The following AKIP1 variants were observed in gnomAD, a reference collection of about 807,000 sequenced individuals.
AKIP1 encodes the protein A-kinase interacting protein 1, also known as A-kinase-interacting protein 1.
AKIP1 carries 18 observed loss-of-function variants against 22.3 expected under a neutral mutation model. The observed-to-expected ratio is 0.81, with a 90% confidence interval of 0.56 to 1.19. The LOEUF (loss-of-function observed/expected upper bound fraction) is 1.19. Ranked by LOEUF, AKIP1 falls within the 50% of genes most tolerant of loss-of-function variation. The probability of loss-of-function intolerance (pLI) is 0.00; values close to 1 mark genes in which losing one functional copy is unlikely to be tolerated. For missense variants in AKIP1, 287 were observed against 264.6 expected (o/e 1.08, Z -0.59); for synonymous variants, 120 against 102.7 (o/e 1.17, Z -1.02).
At chr11:8,912,845 A>C (rs1307722552) in intron 3 of AKIP1, among the ~76,000 whole-genome samples, 3 of 151,022 alleles carry the variant, frequency 2.0e-5, no homozygotes, top group Non-Finnish European at 4.4e-5. Context: ...ATAGCAAATA[A>C]GTTAAATATT....
chr11:8,913,841 C>T (rs1054614626), intron 3 of AKIP1, among the ~76,000 whole-genome samples: 1 of 152,196 alleles, frequency 6.6e-6, no homozygotes, highest in African/African-American at 2.4e-5. Context: ...TTACAAAAAT[C>T]AATAGCCTCA....
At chr11:8,914,804 A>C (rs1322112736) in intron 3 of AKIP1, 22 bp from the exon 4 acceptor site, 1 of 1,572,018 alleles carries the variant, frequency 6.4e-7, no homozygotes, top group Non-Finnish European at 8.7e-7. Flanking sequence ...GTTAGCTAAC[A>C]TCTTTGACAT....
At chr11:8,913,291 G>A (rs899767284) in intron 3 of AKIP1, among the ~76,000 whole-genome samples, 5 of 143,746 alleles carry the variant, frequency 3.5e-5, no homozygotes, top group East Asian at 2.1e-4. Context: ...TGGTTCAAGC[G>A]ATTCTCCTGC....
At chr11:8,915,313 G>T (rs906834206) in intron 4 of AKIP1, among the ~76,000 whole-genome samples, 8 of 148,452 alleles carry the variant, frequency 5.4e-5, no homozygotes, top group African/African-American at 2.5e-5. Context: ...TTTTAAAAGA[G>T]CTCTAAATAT....
chr11:8,919,584 ACTGG>A lies in AKIP1; in HGVS notation c.*105_*108del. ...TACATTAATCCTGTTTTTAGTGCTG[ACTGG>A]GTCAGCCTTCCGGGAACTGGAGTCT... On this transcript the variant is annotated 3_prime_UTR_variant, in exon 6 of 6. Transcript: ENST00000309377. 7.6e-7 allele frequency: 1 copy of A among 1,316,170 alleles called. No homozygotes were observed. The highest frequency in any genetic ancestry group is 1.0e-6 in the Non-Finnish European group (1 of 952,846). 81.5% of individuals were successfully genotyped at this position (1,316,170 alleles called of 1,614,324 possible). A position where few individuals can be genotyped will look rare whatever the true frequency, so the allele number is the denominator to read the frequency against.
intron 4 of AKIP1, among the ~76,000 whole-genome samples, chr11:8,915,798 C>G (rs546422996): frequency 1.5e-3 from 229 of 149,150 alleles, no homozygotes; most frequent in South Asian, 7.5e-3. Flanking sequence ...ACCAGCCCAG[C>G]TAATTTTTGT....
intron 3 of AKIP1, among the ~76,000 whole-genome samples, chr11:8,913,802 T>G (rs529206948): frequency 6.6e-6 from 1 of 152,328 alleles, no homozygotes; most frequent in East Asian, 1.9e-4. Flanking sequence ...CAGGGAATAT[T>G]TTTATCTTAT....
intron 2 of AKIP1, among the ~76,000 whole-genome samples, chr11:8,912,230 T>C (rs1228434786): frequency 1.3e-5 from 2 of 151,294 alleles, no homozygotes; most frequent in Non-Finnish European, 2.9e-5. Context: ...ATCTTACAGC[T>C]ATCATCTGAT....
At chr11:8,911,245 C>CGGAAGGGGTAGATGAAAAT in intron 1 of AKIP1, 22 bp downstream of exon 1, 2 of 576,204 alleles carry the variant, frequency 3.5e-6, no homozygotes, top group Admixed American at 6.5e-5. Context: ...CCCTAAGTAG[C>CGGAAGGGGTAGATGAAAAT]GGAAGGGGTA....
At chr11:8,915,047 A>G in intron 4 of AKIP1, 117 bp downstream of exon 4, 1 of 683,542 alleles carries the variant, frequency 1.5e-6, no homozygotes, top group Non-Finnish European at 2.5e-6. Flanking sequence ...TTGGCATTAC[A>G]GTGCTTAACA....
rs776998697 is a variant in AKIP1, at chr11:8,912,530, TG to T, written c.303+1del. 1 of 1,613,732 alleles carries T rather than the reference TG, an allele frequency of 6.2e-7. No individual in the cohort carries two copies. The highest frequency in any genetic ancestry group is 8.5e-7 in the Non-Finnish European group (1 of 1,179,660). ...TCATGGACTATACTTCAAGTCAGTG[TG>T]GGGTAAGTTGGTGTGAACCAAAACT... ...EFMDYTSSQC[G>X]KYYSSVPEEG... On this transcript the variant is annotated frameshift_variant and splice_region_variant, in exon 3 of 6. Transcript: ENST00000309377. LOFTEE classifies it high-confidence loss of function.
chr11:8,918,977 G>C lies in AKIP1; in HGVS notation c.490-360G>C, dbSNP rs182084076. On this transcript the variant is annotated intron_variant, in intron 5 of 5. Transcript: ENST00000309377. ...TGTCATTACTGCTCATCTGTGCTAA[G>C]TGCCACTGTCTACTTCTGATCCCCA... is the stretch of plus-strand genomic sequence containing the variant. 2.6e-3 allele frequency among the ~76,000 whole-genome samples: 399 copies of C among 152,330 alleles called. 3 individuals carry two copies. Among genetic ancestry groups the C allele is most frequent in the African/African-American group, 9.3e-3 (385 of 41,578 alleles).
intron 2 of AKIP1, among the ~76,000 whole-genome samples, chr11:8,912,198 CAAAAA>C (rs57540447): frequency 3.8e-4 from 30 of 79,640 alleles, no homozygotes; most frequent in Non-Finnish European, 6.1e-4. Context: ...ACCTCCGTCT[CAAAAA>C]AAAAAAAAAA....
In AKIP1 at chr11:8,911,610, G is replaced by C; in HGVS notation, c.161G>C (p.Arg54Pro). ...AAAGGCTGCATGGGGGTCCTTGCCC[G>C]GGAGGCGCCCCACCTAGAGAAACAG... ...RPKGCMGVLA[R>P]EAPHLEKQPA... Residue 54 changes from arginine (R) to proline (P), a missense_variant, in exon 2 of 6, where the codon CGG (arginine) becomes CCG (proline). Transcript: ENST00000309377. 1 of 1,603,892 alleles carries C rather than the reference G, an allele frequency of 6.2e-7. No individual in the cohort carries two copies. Among genetic ancestry groups the C allele is most frequent in the Non-Finnish European group, 8.5e-7 (1 of 1,176,538 alleles).
intron 2 of AKIP1, among the ~76,000 whole-genome samples, chr11:8,911,993 T>C (rs1426081679): frequency 1.3e-5 from 2 of 149,010 alleles, no homozygotes; most frequent in Non-Finnish European, 3.0e-5. Context: ...AGGTCGGGAG[T>C]TCGAAAGCAG....
At chr11:8,917,569 A>G (rs1238796127) in intron 5 of AKIP1, 3 of 592,700 alleles carry the variant, frequency 5.1e-6, no homozygotes, top group Non-Finnish European at 9.1e-6. Context: ...TCTAAGCTTC[A>G]GGGATACTCT....
At chr11:8,917,158 G>A in intron 4 of AKIP1, 129 bp from the exon 5 acceptor site, 1 of 582,568 alleles carries the variant, frequency 1.7e-6, no homozygotes, top group Non-Finnish European at 3.0e-6. Context: ...ATGCCTTAAT[G>A]ACTTAGATGA....
intron 4 of AKIP1, 80 bp from the exon 5 acceptor site, chr11:8,917,207 A>C: frequency 1.1e-6 from 1 of 900,322 alleles, no homozygotes; most frequent in South Asian, 2.2e-5. Context: ...ACTAACTCCT[A>C]ATAAGGTAGA....
At chr11:8,918,122 G>A (rs779270564) in intron 5 of AKIP1, 1 of 152,190 alleles carries the variant, frequency 6.6e-6, no homozygotes, top group South Asian at 2.1e-4. Flanking sequence ...ATGTTCCACC[G>A]TGTTGGAGTT....
Sources: gnomAD v4.1 joint callset for allele counts (sites outside exome capture counted in the v4.1 genomes callset) on GRCh38, gnomAD v4.1.1 for gene constraint, MANE v1.5 for transcripts, NCBI Gene and HGNC (gene_info 2026-07-23, HGNC 2026-07-21) for gene names.